Variants in RRP9 observed in about 807,000 individuals in gnomAD.
RRP9 encodes ribosomal RNA processing 9, U3 small nucleolar RNA binding protein, also known as U3 small nucleolar RNA-interacting protein 2.
RRP9 carries 35 observed loss-of-function variants against 65.5 expected under a neutral mutation model. That is an observed-to-expected ratio of 0.53 (90% confidence interval 0.41 to 0.71). The LOEUF (loss-of-function observed/expected upper bound fraction) is 0.71. Ranked by LOEUF, RRP9 falls within the 30% of genes least tolerant of loss-of-function variation. The pLI is 0.00. For synonymous variants in RRP9, 254 were observed against 245.0 expected (o/e 1.04, Z -0.34); for missense variants, 533 against 633.6 (o/e 0.84, Z 1.70).
chr3:51,938,375 G>C (rs1044727832), intron 2 of RRP9, among the ~76,000 whole-genome samples, 171 bp from the exon 3 acceptor site: 2 of 152,130 alleles, frequency 1.3e-5, no homozygotes, highest in African/African-American at 4.8e-5. Flanking sequence ...CAAACTAAAA[G>C]GCCCCACTCA....
intron 2 of RRP9, among the ~76,000 whole-genome samples, chr3:51,939,522 C>A (rs1237086784): frequency 6.6e-6 from 1 of 152,190 alleles, no homozygotes; most frequent in African/African-American, 2.4e-5. Context: ...GAGGGGCTGA[C>A]TACGAAGGAG....
Position 51,935,373 on chromosome 3 carries a change from C to T in RRP9, c.940G>A (p.Glu314Lys), listed in dbSNP as rs1279850042. Reference sequence around the variant, plus strand: ...CCATAGAAGACAAGCTGGGACTCCTCGGGGATCTTCCACACACGTACAGTC... The same window carrying T: ...CCATAGAAGACAAGCTGGGACTCCTTGGGGATCTTCCACACACGTACAGTC... ...DGTVRVWKIPEESQLVFYGHQ... is the reference protein window; with the variant it reads ...DGTVRVWKIPKESQLVFYGHQ... The change falls in exon 10 of 15, where the codon GAG (glutamate) becomes AAG (lysine). Residue 314 changes from glutamate (E) to lysine (K), a missense_variant. This residue lies in a region of RRP9 where 449 missense variants were observed against 550.6 expected (regional missense o/e 0.82). Transcript: ENST00000232888. The T allele has an allele frequency of 9.9e-6, 16 of 1,613,960 alleles. No homozygotes were observed. The highest frequency in any genetic ancestry group is 2.2e-5 in the East Asian group (1 of 44,890).
Position 51,934,600 on chromosome 3 carries a change from A to AC in RRP9, c.1180+30dup. On this transcript the variant is annotated intron_variant, in intron 12 of 14. Transcript: ENST00000232888. This position sits in a 1 kb window ranked among gnomAD's most constrained non-coding sequence, Gnocchi z 4.1. ...AACCCCTGCACCGGCCCACCCGGCG[A>AC]CCCCTCCTCCCTGCCTCTCAGGGCA... The AC allele has an allele frequency of 1.2e-6, 2 of 1,613,018 alleles. No individual in the cohort carries two copies. The highest frequency in any genetic ancestry group is 1.7e-6 in the Non-Finnish European group (2 of 1,179,580).
At position 51,937,101 on chromosome 3, in the gene RRP9, G is replaced by T; in HGVS notation, c.517+91C>A. ...TGCCTCCAGAGACTTCCCCACTTCAGGGCTCAGCCTGCCATGACCACTCCC... is the reference window on the plus strand; with the variant it reads ...TGCCTCCAGAGACTTCCCCACTTCATGGCTCAGCCTGCCATGACCACTCCC... On this transcript the variant is annotated intron_variant, in intron 6 of 14. Transcript: ENST00000232888. The surrounding 1 kb of genome is among the most constrained non-coding windows in gnomAD (Gnocchi z 5.0). 6.6e-7 allele frequency: 1 copy of T among 1,511,766 alleles called. No homozygotes were observed. Among genetic ancestry groups the T allele is most frequent in the Admixed American group, 1.8e-5 (1 of 56,738 alleles). The allele number at this position is 1,511,766 out of a possible 1,614,324, so 93.6% of individuals were successfully genotyped here.
intron 3 of RRP9, 33 bp downstream of exon 3, chr3:51,938,062 C>G (rs1266810479): frequency 6.5e-7 from 1 of 1,530,114 alleles, no homozygotes; most frequent in East Asian, 2.3e-5. Context: ...CAGGCAGAAG[C>G]CCTGCCCATG....
At chr3:51,935,309 T>C (rs1259640777) in intron 10 of RRP9, 33 bp downstream of exon 10, 12 of 1,613,046 alleles carry the variant, frequency 7.4e-6, no homozygotes, top group Non-Finnish European at 1.0e-5. Context: ...CCCCAGCCCA[T>C]GTAGCCCCCA....
At position 51,935,228 on chromosome 3, in the gene RRP9, C is replaced by A; in HGVS notation, c.1003G>T (p.Glu335Ter). 1 of 1,614,196 alleles carries A rather than the reference C, an allele frequency of 6.2e-7. No individual in the cohort carries two copies. Residue 335 changes from glutamate (E) to a stop codon, truncating the protein, a stop_gained, in exon 11 of 15, where the codon GAG (glutamate) becomes TAG (stop). Transcript: ENST00000232888. LOFTEE classifies it high-confidence loss of function. ...GSIDCIHLIN[E>*]EHMVSGADDG... ...TCCGCGCCGGACACCATGTGCTCCTCATTGATTAGGTGGATGCAGTCGATG... is the reference window on the plus strand; with the variant it reads ...TCCGCGCCGGACACCATGTGCTCCTAATTGATTAGGTGGATGCAGTCGATG...
At chr3:51,941,655 G>A in intron 1 of RRP9, 126 bp downstream of exon 1, 1 of 1,097,142 alleles carries the variant, frequency 9.1e-7, no homozygotes, top group Non-Finnish European at 1.3e-6. Flanking sequence ...AGAGAGGGAC[G>A]AAGCTGACTC....
chr3:51,938,183 C>T lies in RRP9; in HGVS notation c.192G>A (p.Glu64=). 1.3e-6 allele frequency: 2 copies of T among 1,573,994 alleles called. No homozygotes were observed. The highest frequency in any genetic ancestry group is 1.7e-6 in the Non-Finnish European group (2 of 1,162,956). Residue 64 remains glutamate (E), a synonymous_variant, in exon 3 of 15, where the codon GAG becomes GAA. Transcript: ENST00000232888. ...CCTCCAGCTCCTCCTCCTCCTCCTCCTCAGGCTTCCTTGGAGCTAGGCTGT... is the reference window on the plus strand; with the variant it reads ...CCTCCAGCTCCTCCTCCTCCTCCTCTTCAGGCTTCCTTGGAGCTAGGCTGT... The part of the protein sequence containing the change: ...ESESLAPRKP[E]EEEEEELEET...
At chr3:51,940,760 G>A (rs1043199883) in intron 2 of RRP9, among the ~76,000 whole-genome samples, 16 of 151,590 alleles carry the variant, frequency 1.1e-4, no homozygotes, top group African/African-American at 3.9e-4. Context: ...CAATCCTCCC[G>A]CCTTGGCCTC....
Position 51,934,942 on chromosome 3 carries a change from G to A in RRP9, c.1035-166C>T, listed in dbSNP as rs1208919000. ...AACATCTCAAGTACCCCACAAATACGTACACCTACTAAGCACCCACAACAA... is the reference window on the plus strand; with the variant it reads ...AACATCTCAAGTACCCCACAAATACATACACCTACTAAGCACCCACAACAA... On this transcript the variant is annotated intron_variant, in intron 11 of 14. Transcript: ENST00000232888. The surrounding 1 kb of genome is among the most constrained non-coding windows in gnomAD (Gnocchi z 4.1). Among the ~76,000 whole-genome samples the A allele has an allele frequency of 2.6e-5, 4 of 151,714 alleles. No homozygotes were observed. The highest frequency in any genetic ancestry group is 2.9e-5 in the Non-Finnish European group (2 of 67,972).
At position 51,938,104 on chromosome 3, in the gene RRP9, G is replaced by A. The variant is rs1026377994; in HGVS notation, c.271C>T (p.Arg91Cys). The change falls in exon 3 of 15, where the codon CGT becomes TGT. Residue 91 changes from arginine (R) to cysteine (C), a missense_variant. Arg to Cys is a radical substitution (Grantham distance 180). Coordinates refer to ENST00000232888, the MANE Select transcript of RRP9 (RefSeq NM_004704.5). ...CTGCCCACTGGCTCACCTTGCTGAC[G>A]GAGCTGCTCTAGGTAGAGCTTGGCC... ...RLAKLYLEQL[R>C]QQEEEKAEAR... is the part of the protein sequence containing the mutation. The A allele has an allele frequency of 1.6e-5, 26 of 1,599,974 alleles. 1 individual carries two copies. Among genetic ancestry groups the A allele is most frequent in the East Asian group, 1.1e-4 (5 of 44,790 alleles).
At chr3:51,941,322 A>G in intron 2 of RRP9, 87 bp downstream of exon 2, 2 of 1,111,350 alleles carry the variant, frequency 1.8e-6, no homozygotes, top group Non-Finnish European at 1.4e-6. Flanking sequence ...CTTGGATTCT[A>G]GGCTCAGTTC....
At chr3:51,940,140 C>T (rs1172103578) in intron 2 of RRP9, among the ~76,000 whole-genome samples, 2 of 152,122 alleles carry the variant, frequency 1.3e-5, no homozygotes. Flanking sequence ...CCTATAATCC[C>T]AGCTACTCAG....
chr3:51,933,462 T>TG lies in RRP9; in HGVS notation c.*43dup, dbSNP rs767708518. On this transcript the variant is annotated 3_prime_UTR_variant, in exon 15 of 15. Transcript: ENST00000232888. Reference sequence around the variant, plus strand: ...GAGGAGGCTTTTAATACAAAGAGGGTGGGGCATAGCCTGGGAAGGACTTAA... The same window carrying TG: ...GAGGAGGCTTTTAATACAAAGAGGGTGGGGGCATAGCCTGGGAAGGACTTAA... 7.7e-6 allele frequency: 11 copies of TG among 1,419,584 alleles called. No individual in the cohort carries two copies. Among genetic ancestry groups the TG allele is most frequent in the Non-Finnish European group, 1.1e-5 (11 of 1,035,662 alleles). The allele number at this position is 1,419,584 out of a possible 1,614,324, so 87.9% of individuals were successfully genotyped here. A position where few individuals can be genotyped will look rare whatever the true frequency, so the allele number is the denominator to read the frequency against.
At chr3:51,936,187 G>T in intron 8 of RRP9, 70 bp downstream of exon 8, 1 of 1,435,470 alleles carries the variant, frequency 7.0e-7, no homozygotes, top group Non-Finnish European at 9.8e-7. Context: ...AGACTCCAGA[G>T]GCCAGCACTG....
Position 51,937,517 on chromosome 3 carries a change from C to A in RRP9, c.390+28G>T. 1 of 1,614,230 alleles carries A rather than the reference C, an allele frequency of 6.2e-7. No individual in the cohort carries two copies. The highest frequency in any genetic ancestry group is 2.2e-5 in the East Asian group (1 of 44,890). ...AGTGGGGCCCCCAATTCCCTCCAAC[C>A]TTATACCAAAATACCATGCCCACTC... On this transcript the variant is annotated intron_variant, in intron 5 of 14. Transcript: ENST00000232888. The surrounding 1 kb of genome is among the most constrained non-coding windows in gnomAD (Gnocchi z 5.0).
intron 8 of RRP9, 115 bp from the exon 9 acceptor site, chr3:51,935,807 A>G: frequency 9.0e-6 from 7 of 773,916 alleles, no homozygotes; most frequent in Non-Finnish European, 1.6e-5. Context: ...CTGTGAGGCA[A>G]TTTTGTACTG....
At chr3:51,936,815 T>A (rs1261554677) in intron 6 of RRP9, among the ~76,000 whole-genome samples, 43 of 152,060 alleles carry the variant, frequency 2.8e-4, no homozygotes, top group Admixed American at 2.8e-3. Context: ...ATGGTGTGAG[T>A]TCTTCTGTTA....
Sources: gnomAD v4.1 joint callset for allele counts (sites outside exome capture counted in the v4.1 genomes callset) on GRCh38, gnomAD v4.1.1 for gene constraint, gnomAD v4.1.1 regional missense constraint, Gnocchi (gnomAD v3.1) non-coding constraint, MANE v1.5 for transcripts, NCBI Gene and HGNC (gene_info 2026-07-23, HGNC 2026-07-21) for gene names.